NSMCE3: variants seen among roughly 807,000 people sequenced by gnomAD.
NSMCE3 encodes the protein non-structural maintenance of chromosomes element 3 homolog.
For missense variants in NSMCE3, 452 were observed against 399.5 expected, an observed-to-expected ratio of 1.13 and a Z score of -1.12; for synonymous variants, 214 against 172.2, an observed-to-expected ratio of 1.24 and a Z score of -1.90.
Position 29,268,749 on chromosome 15 carries a change from G to C in NSMCE3, c.*42C>G, listed in dbSNP as rs768401380. ...CCCAATCCTCTAAACTGTGCCTTTGGGTCTCAGACCCTTGTCCCGGGGGTC... is the reference window on the plus strand; with the variant it reads ...CCCAATCCTCTAAACTGTGCCTTTGCGTCTCAGACCCTTGTCCCGGGGGTC... On this transcript the variant is annotated 3_prime_UTR_variant, in exon 1 of 1. Transcript: ENST00000332303. 6.5e-7 allele frequency: 1 copy of C among 1,550,226 alleles called. No homozygotes were observed. Among genetic ancestry groups the C allele is most frequent in the Non-Finnish European group, 8.7e-7 (1 of 1,150,330 alleles).
rs147056589 is a variant in NSMCE3, at chr15:29,269,211, G to T, written c.495C>A (p.Ala165=). ...GCGTGCCTTGGTCACCCCTCATCTC[G>T]GCATCCTCCTCCACAGGCTCCAGGG... ...INTLEPVEED[A]EMRGDQGTPT... The change falls in exon 1 of 1, where the codon GCC becomes GCA. Residue 165 remains alanine, a synonymous_variant. Coordinates refer to ENST00000332303, the MANE Select transcript of NSMCE3 (RefSeq NM_138704.4). 8 of 1,613,984 alleles carry T rather than the reference G, an allele frequency of 5.0e-6. No homozygotes were observed. Among genetic ancestry groups the T allele is most frequent in the African/African-American group, 1.3e-5 (1 of 74,904 alleles).
In NSMCE3 at chr15:29,269,137, C is replaced by T; in HGVS notation, c.569G>A (p.Gly190Asp). ...GGCTTCAGTTTCCTTGATGGTGTTGCCCTTCATAAAGATGAGCCCTAAGAC... is the reference window on the plus strand; with the variant it reads ...GGCTTCAGTTTCCTTGATGGTGTTGTCCTTCATAAAGATGAGCCCTAAGAC... ...MIVLGLIFMK[G>D]NTIKETEAWD... Residue 190 changes from glycine to aspartate, a missense_variant, in exon 1 of 1, where the codon GGC becomes GAC. Coordinates refer to ENST00000332303, the MANE Select transcript of NSMCE3 (RefSeq NM_138704.4). 6.2e-7 allele frequency: 1 copy of T among 1,614,124 alleles called. No individual in the cohort carries two copies. The highest frequency in any genetic ancestry group is 8.5e-7 in the Non-Finnish European group (1 of 1,180,034).
Position 29,269,073 on chromosome 15 carries a change from C to G in NSMCE3, c.633G>C (p.Lys211Asn). Reference protein sequence around the residue: ...FLRRLGVYPTKKHLIFGDPKK... With the variant: ...FLRRLGVYPTNKHLIFGDPKK... ...TTGGATCTCCGAAAATTAAATGCTT[C>G]TTGGTGGGGTAGACCCCTAAGCGCC... The change falls in exon 1 of 1, where the codon AAG (lysine) becomes AAC (asparagine). Residue 211 changes from lysine (K) to asparagine (N), a missense_variant. Physicochemically the swap from Lys to Asn is moderately conservative, Grantham distance 94. Coordinates refer to ENST00000332303, the MANE Select transcript of NSMCE3 (RefSeq NM_138704.4). 6.2e-7 allele frequency: 1 copy of G among 1,614,142 alleles called. No homozygotes were observed. Among genetic ancestry groups the G allele is most frequent in the South Asian group, 1.1e-5 (1 of 91,070 alleles).
At position 29,269,688 on chromosome 15, in the gene NSMCE3, C is replaced by G; in HGVS notation, c.18G>C (p.Arg6Ser). The change falls in exon 1 of 1, where the codon AGG becomes AGC. Residue 6 changes from arginine to serine, a missense_variant. Arg to Ser is a moderately radical substitution (Grantham distance 110). Transcript: ENST00000332303. ...CCTGGCCGCCAGAGCGGCCCCGGTT[C>G]CTCGGTTTTTGCAACATGTCTCCGG... MLQKP[R>S]NRGRSGGQAE... is the part of the protein sequence containing the mutation. The G allele has an allele frequency of 6.4e-7, 1 of 1,551,148 alleles. No individual in the cohort carries two copies. Among genetic ancestry groups the G allele is most frequent in the Non-Finnish European group, 8.7e-7 (1 of 1,155,810 alleles).
In NSMCE3 at chr15:29,269,767, G is replaced by A; in HGVS notation, c.-62C>T. On this transcript the variant is annotated 5_prime_UTR_variant, in exon 1 of 1. Transcript: ENST00000332303. ...GCAAGCAGCCGCGGCGGGGATTGCGGGTCGGCGACCCGCTAACGCCGGTGC... is the reference window on the plus strand; with the variant it reads ...GCAAGCAGCCGCGGCGGGGATTGCGAGTCGGCGACCCGCTAACGCCGGTGC... 2.9e-6 allele frequency: 4 copies of A among 1,390,096 alleles called. No homozygotes were observed. The highest frequency in any genetic ancestry group is 3.7e-6 in the Non-Finnish European group (4 of 1,072,230). The allele number at this position is 1,390,096 out of a possible 1,614,324, so 86.1% of individuals were successfully genotyped here. A position where few individuals can be genotyped will look rare whatever the true frequency, so the allele number is the denominator to read the frequency against.
chr15:29,266,697 A>G lies in NSMCE3; in HGVS notation c.*2094T>C, dbSNP rs2043486910. 1 of 152,170 alleles carries G rather than the reference A, an allele frequency of 6.6e-6. No individual in the cohort carries two copies. Among genetic ancestry groups the G allele is most frequent in the African/African-American group, 2.4e-5 (1 of 41,450 alleles). The allele number at this position is 152,170 out of a possible 1,614,324, so 9.4% of individuals were successfully genotyped here. On this transcript the variant is annotated 3_prime_UTR_variant, in exon 1 of 1. Transcript: ENST00000332303. ...GAAAGCCCACAAAATAAAACTCTAT[A>G]TTGGTTATGTATATATACATGTATA...
At position 29,269,034 on chromosome 15, in the gene NSMCE3, A is replaced by C; in HGVS notation, c.672T>G (p.Thr224=). The change falls in exon 1 of 1, where the codon ACT becomes ACG. Residue 224 remains threonine, a synonymous_variant. Coordinates refer to ENST00000332303, the MANE Select transcript of NSMCE3 (RefSeq NM_138704.4). ...GGTAACGCTGTCGCACAAAGTCCTC[A>C]GTAATGAGTTTCTTTGGATCTCCGA... ...LIFGDPKKLI[T]EDFVRQRYLE... is the part of the protein sequence containing the mutation. The C allele has an allele frequency of 1.2e-6, 2 of 1,614,076 alleles. No individual in the cohort carries two copies. Among genetic ancestry groups the C allele is most frequent in the South Asian group, 1.1e-5 (1 of 91,040 alleles).
At position 29,268,429 on chromosome 15, in the gene NSMCE3, A is replaced by AG. The variant is rs2043528381; in HGVS notation, c.*361dup. 8.8e-6 allele frequency: 2 copies of AG among 227,620 alleles called. No individual in the cohort carries two copies. The highest frequency in any genetic ancestry group is 3.5e-4 in the South Asian group (2 of 5,670). 14.1% of individuals were successfully genotyped at this position (227,620 alleles called of 1,614,324 possible). On this transcript the variant is annotated 3_prime_UTR_variant, in exon 1 of 1. Transcript: ENST00000332303. ...TTTTTCCTTACAAACTGGGGTAGTT[A>AG]GGAGACCTGATAATAGCTTTTTTAT... is the stretch of plus-strand genomic sequence containing the variant.
In NSMCE3 at chr15:29,268,632, C is replaced by T; in HGVS notation, c.*159G>A. ...GAAAATCTGGAGCAAAATAACACAA[C>T]ATTAAAAAAACAAAACTTTGCAAAC... On this transcript the variant is annotated 3_prime_UTR_variant, in exon 1 of 1. Transcript: ENST00000332303. 3 of 595,874 alleles carry T rather than the reference C, an allele frequency of 5.0e-6. No individual in the cohort carries two copies. Among genetic ancestry groups the T allele is most frequent in the South Asian group, 3.9e-5 (1 of 25,498 alleles). The allele number at this position is 595,874 out of a possible 1,614,324, so 36.9% of individuals were successfully genotyped here.
Position 29,268,932 on chromosome 15 carries a change from G to A in NSMCE3, c.774C>T (p.Thr258=). 6.2e-7 allele frequency: 1 copy of A among 1,614,186 alleles called. No homozygotes were observed. Among genetic ancestry groups the A allele is most frequent in the South Asian group, 1.1e-5 (1 of 91,086 alleles). ...CAAACTTAAGAACTTTCATCTTGCT[G>A]GTTTCCAGGTTGGTTCGCGGGCCCC... ...FQWGPRTNLE[T]SKMKVLKFVA... The change falls in exon 1 of 1, where the codon ACC becomes ACT. Residue 258 remains threonine, a synonymous_variant. Coordinates refer to ENST00000332303, the MANE Select transcript of NSMCE3 (RefSeq NM_138704.4).
At position 29,269,249 on chromosome 15, in the gene NSMCE3, T is replaced by C. The variant is rs748216127; in HGVS notation, c.457A>G (p.Ile153Val). The C allele has an allele frequency of 6.8e-6, 11 of 1,614,036 alleles. No individual in the cohort carries two copies. The highest frequency in any genetic ancestry group is 3.3e-4 in the Middle Eastern group (2 of 6,084). The change falls in exon 1 of 1, where the codon ATC becomes GTC. Residue 153 changes from isoleucine to valine, a missense_variant. Coordinates refer to ENST00000332303, the MANE Select transcript of NSMCE3 (RefSeq NM_138704.4). ...VELEPKSNTY[I>V]LINTLEPVEE... ...ACAGGCTCCAGGGTGTTGATGAGGA[T>C]GTAAGTGTTGCTCTTGGGTTCAAGT...
chr15:29,268,683 G>C lies in NSMCE3; in HGVS notation c.*108C>G. 9.2e-7 allele frequency: 1 copy of C among 1,082,534 alleles called. No homozygotes were observed. The highest frequency in any genetic ancestry group is 2.5e-5 in the East Asian group (1 of 40,502). The allele number at this position is 1,082,534 out of a possible 1,614,324, so 67.1% of individuals were successfully genotyped here. A position where few individuals can be genotyped will look rare whatever the true frequency, so the allele number is the denominator to read the frequency against. Reference sequence around the variant, plus strand: ...ACATCCTAAAGCTACACACATTGAAGCGTTTACAGCAATATGCTCCCTGGG... The same window carrying C: ...ACATCCTAAAGCTACACACATTGAACCGTTTACAGCAATATGCTCCCTGGG... On this transcript the variant is annotated 3_prime_UTR_variant, in exon 1 of 1. Coordinates refer to ENST00000332303, the MANE Select transcript of NSMCE3 (RefSeq NM_138704.4).
chr15:29,268,265 C>T lies in NSMCE3; in HGVS notation c.*526G>A, dbSNP rs2043523340. ...GAATAATTATGAATATAAACAATTA[C>T]TATTGGGAGAAAATACATTACACTC... is the stretch of plus-strand genomic sequence containing the variant. On this transcript the variant is annotated 3_prime_UTR_variant, in exon 1 of 1. Coordinates refer to ENST00000332303, the MANE Select transcript of NSMCE3 (RefSeq NM_138704.4). The T allele has an allele frequency of 6.6e-6, 1 of 152,270 alleles. No individual in the cohort carries two copies. The highest frequency in any genetic ancestry group is 2.4e-5 in the African/African-American group (1 of 41,402). 9.4% of individuals were successfully genotyped at this position (152,270 alleles called of 1,614,324 possible). A position where few individuals can be genotyped will look rare whatever the true frequency, so the allele number is the denominator to read the frequency against.
rs1353470322 is a variant in NSMCE3 at position 29,269,494 on chromosome 15, G to C, written c.212C>G (p.Ala71Gly). ...QGPSPQGARR[A>G]QAAPAVGPRS... ...GGGCCCCACGGCGGGGGCGGCCTGGGCCCGGCGGGCGCCCTGAGGCGAGGG... is the reference window on the plus strand; with the variant it reads ...GGGCCCCACGGCGGGGGCGGCCTGGCCCCGGCGGGCGCCCTGAGGCGAGGG... The change falls in exon 1 of 1, where the codon GCC becomes GGC. Residue 71 changes from alanine to glycine, a missense_variant. Coordinates refer to ENST00000332303, the MANE Select transcript of NSMCE3 (RefSeq NM_138704.4). The C allele has an allele frequency of 6.2e-7, 1 of 1,608,096 alleles. No homozygotes were observed. Among genetic ancestry groups the C allele is most frequent in the East Asian group, 2.2e-5 (1 of 44,668 alleles).
chr15:29,266,072 A>T lies in NSMCE3; in HGVS notation c.*2719T>A, dbSNP rs1460495260. The T allele has an allele frequency of 6.6e-6, 1 of 152,250 alleles. No homozygotes were observed. The highest frequency in any genetic ancestry group is 1.5e-5 in the Non-Finnish European group (1 of 68,048). 9.4% of individuals were successfully genotyped at this position (152,250 alleles called of 1,614,324 possible). ...GGGAGAAGGTATTTGCACTAGATAG[A>T]TAGAGCAGACCATGGATTAACATGT... On this transcript the variant is annotated 3_prime_UTR_variant, in exon 1 of 1. Coordinates refer to ENST00000332303, the MANE Select transcript of NSMCE3 (RefSeq NM_138704.4).
chr15:29,269,064 T>A lies in NSMCE3; in HGVS notation c.642A>T (p.Leu214Phe). ...RLGVYPTKKH[L>F]IFGDPKKLIT... ...TGAGTTTCTTTGGATCTCCGAAAAT[T>A]AAATGCTTCTTGGTGGGGTAGACCC... Residue 214 changes from leucine (L) to phenylalanine (F), a missense_variant, in exon 1 of 1, where the codon TTA (leucine) becomes TTT (phenylalanine). Leu to Phe is a conservative substitution (Grantham distance 22). Coordinates refer to ENST00000332303, the MANE Select transcript of NSMCE3 (RefSeq NM_138704.4). 1 of 1,614,068 alleles carries A rather than the reference T, an allele frequency of 6.2e-7. No homozygotes were observed. The highest frequency in any genetic ancestry group is 8.5e-7 in the Non-Finnish European group (1 of 1,180,020).
chr15:29,268,705 TG>T lies in NSMCE3; in HGVS notation c.*85del, dbSNP rs2043534931. On this transcript the variant is annotated 3_prime_UTR_variant, in exon 1 of 1. Coordinates refer to ENST00000332303, the MANE Select transcript of NSMCE3 (RefSeq NM_138704.4). ...GAAGCGTTTACAGCAATATGCTCCC[TG>T]GGTTCGTTCTCCCTTCCCCCAATCC... 1 of 1,375,692 alleles carries T rather than the reference TG, an allele frequency of 7.3e-7. No homozygotes were observed. The highest frequency in any genetic ancestry group is 9.9e-7 in the Non-Finnish European group (1 of 1,009,512). The allele number at this position is 1,375,692 out of a possible 1,614,324, so 85.2% of individuals were successfully genotyped here.
Position 29,266,357 on chromosome 15 carries a change from G to A in NSMCE3, c.*2434C>T, listed in dbSNP as rs919341945. 1 of 152,248 alleles carries A rather than the reference G, an allele frequency of 6.6e-6. No homozygotes were observed. Among genetic ancestry groups the A allele is most frequent in the African/African-American group, 2.4e-5 (1 of 41,468 alleles). 9.4% of individuals were successfully genotyped at this position (152,248 alleles called of 1,614,324 possible). ...ACAAAACAAAACTGTATAAAATGTT[G>A]ATGGGAGTGTAACTTGACACAAGCT... On this transcript the variant is annotated 3_prime_UTR_variant, in exon 1 of 1. Coordinates refer to ENST00000332303, the MANE Select transcript of NSMCE3 (RefSeq NM_138704.4).
At position 29,269,519 on chromosome 15, in the gene NSMCE3, G is replaced by A. The variant is rs750562363; in HGVS notation, c.187C>T (p.Pro63Ser). Residue 63 changes from proline to serine, a missense_variant, in exon 1 of 1, where the codon CCC becomes TCC. By Grantham distance (74) the Pro-to-Ser change is moderately conservative. Coordinates refer to ENST00000332303, the MANE Select transcript of NSMCE3 (RefSeq NM_138704.4). Reference protein sequence around the residue: ...GPGGSQGSQGPSPQGARRAQA... With the variant: ...GPGGSQGSQGSSPQGARRAQA... Reference sequence around the variant, plus strand: ...GCCCGGCGGGCGCCCTGAGGCGAGGGGCCCTGCGACCCCTGCGAGCCGCCC... The same window carrying A: ...GCCCGGCGGGCGCCCTGAGGCGAGGAGCCCTGCGACCCCTGCGAGCCGCCC... The A allele has an allele frequency of 1.3e-6, 2 of 1,576,806 alleles. No homozygotes were observed. The highest frequency in any genetic ancestry group is 8.6e-7 in the Non-Finnish European group (1 of 1,164,880).
Sources: gnomAD v4.1 joint callset for allele counts on GRCh38, gnomAD v4.1.1 for gene constraint, MANE v1.5 for transcripts, NCBI Gene and HGNC (gene_info 2026-07-23, HGNC 2026-07-21) for gene names.